THNSL1: variants seen among roughly 807,000 people sequenced by gnomAD.
THNSL1 encodes the protein threonine synthase like 1, also known as threonine synthase-like 1.
THNSL1 carries 48 observed loss-of-function variants against 50.4 expected under a neutral mutation model. The ratio of observed to expected loss-of-function variants is 0.95; its 90% CI spans 0.76 to 1.21. The LOEUF (loss-of-function observed/expected upper bound fraction) is 1.21, where lower values mean the gene tolerates loss of function less well. Among genes scored for constraint, THNSL1 ranks in the 50% most tolerant of loss-of-function variants. THNSL1 has a pLI of 0.00. For synonymous variants in THNSL1, 309 were observed against 306.1 expected (o/e 1.01, Z -0.10); for missense variants, 896 against 871.7 (o/e 1.03, Z -0.35).
chr10:24,973,575 G>A, the THNSL1 span, among the ~76,000 whole-genome samples: 1 of 151,966 alleles, frequency 6.6e-6, no homozygotes, highest in African/African-American at 2.4e-5. Context: ...CTGTACCACT[G>A]TACCTTATCC....
the THNSL1 span, among the ~76,000 whole-genome samples, chr10:24,970,920 A>G: frequency 2.0e-5 from 3 of 152,022 alleles, no homozygotes. Context: ...GCTACTCAGG[A>G]GGCTGAGGCA....
chr10:24,960,741 T>C, the THNSL1 span, among the ~76,000 whole-genome samples: 1 of 150,582 alleles, frequency 6.6e-6, no homozygotes, highest in East Asian at 1.9e-4. Context: ...CATGAGGCAC[T>C]GCACCCAGCC....
the THNSL1 span, among the ~76,000 whole-genome samples, chr10:24,968,128 A>C: frequency 6.6e-6 from 1 of 151,888 alleles, no homozygotes; most frequent in African/African-American, 2.4e-5. Flanking sequence ...TACCTGATAG[A>C]TTTTTGAAAA....
At chr10:25,017,704 T>C (rs2132739013) in intron 1 of THNSL1, among the ~76,000 whole-genome samples, 1 of 152,204 alleles carries the variant, frequency 6.6e-6, no homozygotes, top group Middle Eastern at 3.4e-3. Flanking sequence ...TCACATCAGA[T>C]TGTCTTCCAA....
At chr10:24,996,607 ATTTATT>A in the THNSL1 span, among the ~76,000 whole-genome samples, 1 of 152,176 alleles carries the variant, frequency 6.6e-6, no homozygotes, top group Non-Finnish European at 1.5e-5. Context: ...ATGTGAAATA[ATTTATT>A]TTTAAGAACT....
At chr10:25,017,293 C>T (rs890287215) in intron 1 of THNSL1, among the ~76,000 whole-genome samples, 11 of 152,186 alleles carry the variant, frequency 7.2e-5, no homozygotes. Context: ...AATCTATGCA[C>T]ATGGGCCTGC....
upstream of THNSL1, chr10:25,016,206 G>A (rs1174446595): frequency 6.0e-6 from 7 of 1,165,236 alleles, no homozygotes; most frequent in African/African-American, 6.3e-5. Context: ...GTGGCAGGCA[G>A]CACCGCAAAC....
At chr10:25,018,485 A>G (rs1424457863) in intron 1 of THNSL1, among the ~76,000 whole-genome samples, 4 of 152,202 alleles carry the variant, frequency 2.6e-5, no homozygotes, top group African/African-American at 7.2e-5. Flanking sequence ...AAAGCAGCCA[A>G]AGACGGTACT....
intron 1 of THNSL1, among the ~76,000 whole-genome samples, chr10:25,021,064 C>T (rs1850709146): frequency 6.6e-6 from 1 of 152,100 alleles, no homozygotes; most frequent in Admixed American, 6.5e-5. Context: ...GTTCTTGATT[C>T]GTGGGTGAAC....
chr10:25,006,841 A>C, the THNSL1 span, among the ~76,000 whole-genome samples: 3 of 152,218 alleles, frequency 2.0e-5, no homozygotes, highest in Admixed American at 1.3e-4. Context: ...TCTCGATCTC[A>C]GCCCTTGTTT....
chr10:24,984,235 C>G, the THNSL1 span: 2 of 971,458 alleles, frequency 2.1e-6, no homozygotes, highest in Non-Finnish European at 3.0e-6. Flanking sequence ...ATGTCATGGG[C>G]CACAGGAAAA....
At chr10:24,974,025 A>T in the THNSL1 span, among the ~76,000 whole-genome samples, 1 of 152,188 alleles carries the variant, frequency 6.6e-6, no homozygotes. Context: ...AGGTGCTAGG[A>T]TTACAGGCTG....
At chr10:25,002,063 T>C in the THNSL1 span, among the ~76,000 whole-genome samples, 1 of 152,218 alleles carries the variant, frequency 6.6e-6, no homozygotes, top group Non-Finnish European at 1.5e-5. Flanking sequence ...ATTTTAAGGC[T>C]TGCTTTAAGT....
the THNSL1 span, among the ~76,000 whole-genome samples, chr10:24,998,291 TTCTTC>T: frequency 1.9e-3 from 294 of 151,550 alleles, 2 homozygotes; most frequent in African/African-American, 6.4e-3. Flanking sequence ...TTCTTTTCTT[TTCTTC>T]TCTTCTCTTC....
At chr10:24,991,475 A>G in the THNSL1 span, among the ~76,000 whole-genome samples, 2 of 151,868 alleles carry the variant, frequency 1.3e-5, no homozygotes, top group African/African-American at 2.4e-5. Context: ...GGAAGAACGT[A>G]TAAGTGGAGG....
At chr10:24,952,993 C>G in the THNSL1 span, among the ~76,000 whole-genome samples, 1 of 152,026 alleles carries the variant, frequency 6.6e-6, no homozygotes, top group African/African-American at 2.4e-5. The surrounding 1 kb of genome is among the most constrained non-coding windows in gnomAD (Gnocchi z 5.1). Context: ...CCCCTGATTC[C>G]CAGATCCACC....
intron 1 of THNSL1, among the ~76,000 whole-genome samples, chr10:25,019,575 T>C (rs1236695316): frequency 6.6e-6 from 1 of 152,366 alleles, no homozygotes; most frequent in African/African-American, 2.4e-5. Flanking sequence ...CATTGTATTA[T>C]GTATTATAAG....
the THNSL1 span, among the ~76,000 whole-genome samples, chr10:24,997,563 ATT>A: frequency 6.6e-6 from 1 of 151,680 alleles, no homozygotes; most frequent in Non-Finnish European, 1.5e-5. Context: ...ATTAAAAAAA[ATT>A]TTTTATAGAG....
the THNSL1 span, among the ~76,000 whole-genome samples, chr10:24,993,041 C>T: frequency 6.6e-6 from 1 of 152,146 alleles, no homozygotes; most frequent in African/African-American, 2.4e-5. Flanking sequence ...AGCCTGTAAC[C>T]CCAGCACTTT....
Sources: gnomAD v4.1 joint callset for allele counts (sites outside exome capture counted in the v4.1 genomes callset) on GRCh38, gnomAD v4.1.1 for gene constraint, Gnocchi (gnomAD v3.1) non-coding constraint, MANE v1.5 for transcripts, NCBI Gene and HGNC (gene_info 2026-07-23, HGNC 2026-07-21) for gene names.